GPC6: variants seen among roughly 807,000 people sequenced by gnomAD.
The protein encoded by GPC6 is glypican-6.
GPC6 carries 14 observed loss-of-function variants against 55.2 expected under a neutral mutation model. That is an observed-to-expected ratio of 0.25 (90% CI 0.17 to 0.40). The LOEUF (loss-of-function observed/expected upper bound fraction) is 0.40. Ranked by LOEUF, GPC6 falls within the 10% of genes least tolerant of loss-of-function variation. GPC6 has a pLI of 1.00. For missense variants in GPC6, 641 were observed against 708.5 expected, an observed-to-expected ratio of 0.90 and a Z score of 1.08; for synonymous variants, 278 against 259.6, an observed-to-expected ratio of 1.07 and a Z score of -0.68.
Position 93,830,488 on chromosome 13 carries a change from C to T in GPC6, c.654C>T (p.Ala218=), listed in dbSNP as rs369239471. Residue 218 remains alanine (A), a synonymous_variant, in exon 3 of 9, where the codon GCC becomes GCT. Transcript: ENST00000377047. The part of the protein sequence containing the change: ...KIQVTRAFIA[A]RTFVQGLTVG... ...AGGTTACCCGCGCCTTCATTGCTGC[C>T]AGGACCTTTGTCCAGGGGCTGACTG... The T allele has an allele frequency of 1.2e-6, 2 of 1,613,828 alleles. No homozygotes were observed. Among genetic ancestry groups the T allele is most frequent in the South Asian group, 1.1e-5 (1 of 91,052 alleles).
intron 1 of GPC6, among the ~76,000 whole-genome samples, chr13:93,413,035 G>GTGAATTTACT (rs1876569967): frequency 6.6e-6 from 1 of 152,154 alleles, no homozygotes; most frequent in Non-Finnish European, 1.5e-5. Context: ...ATTTACTTGG[G>GTGAATTTACT]TGAGGACTAA....
At chr13:93,338,354 C>A (rs1454213636) in intron 1 of GPC6, among the ~76,000 whole-genome samples, 1 of 152,144 alleles carries the variant, frequency 6.6e-6, no homozygotes, top group Non-Finnish European at 1.5e-5. Flanking sequence ...GCAGCCAGAC[C>A]AGAAAATCAG....
At chr13:93,897,446 G>A (rs957278365) in intron 3 of GPC6, among the ~76,000 whole-genome samples, 1 of 151,980 alleles carries the variant, frequency 6.6e-6, no homozygotes, top group African/African-American at 2.4e-5. Context: ...ACCACAAAAT[G>A]TGTGTACCAA....
chr13:93,500,119 T>C (rs1168157720), intron 1 of GPC6, among the ~76,000 whole-genome samples: 1 of 152,172 alleles, frequency 6.6e-6, no homozygotes, highest in Non-Finnish European at 1.5e-5. Flanking sequence ...TTTGGCATAC[T>C]TAAACCCACC....
chr13:93,684,110 A>G (rs1566485717), intron 2 of GPC6, among the ~76,000 whole-genome samples: 1 of 152,152 alleles, frequency 6.6e-6, no homozygotes. Flanking sequence ...AATTGGCAGA[A>G]CACAAGCATG....
intron 2 of GPC6, among the ~76,000 whole-genome samples, chr13:93,632,636 T>TATATAA (rs377056284): frequency 0.17 from 21,143 of 126,768 alleles, 2,385 homozygotes; most frequent in Non-Finnish European, 0.22. Context: ...TATATATATA[T>TATATAA]AATAAAATAA....
At chr13:94,157,385 A>G (rs1344889755) in intron 4 of GPC6, among the ~76,000 whole-genome samples, 1 of 152,138 alleles carries the variant, frequency 6.6e-6, no homozygotes, top group Admixed American at 6.5e-5. Context: ...AACACCTCCA[A>G]CTGGAGGCTG....
At chr13:93,551,552 G>A (rs1875160798) in intron 2 of GPC6, among the ~76,000 whole-genome samples, 1 of 152,144 alleles carries the variant, frequency 6.6e-6, no homozygotes, top group Non-Finnish European at 1.5e-5. Flanking sequence ...ATCGACAGGT[G>A]GAGGCAGAAT....
intron 1 of GPC6, among the ~76,000 whole-genome samples, chr13:93,449,286 G>T (rs973303): frequency 0.31 from 46,777 of 152,016 alleles, 7,354 homozygotes; most frequent in East Asian, 0.36. Context: ...GATGGGTTAG[G>T]AATTACAGGC....
chr13:93,721,536 C>A (rs1883455555), intron 2 of GPC6, among the ~76,000 whole-genome samples: 1 of 151,764 alleles, frequency 6.6e-6, no homozygotes, highest in South Asian at 2.1e-4. Flanking sequence ...GTCTCCAGTA[C>A]TAATTAAAAT....
intron 6 of GPC6, among the ~76,000 whole-genome samples, chr13:94,319,161 G>A (rs1281809772): frequency 6.6e-6 from 1 of 151,468 alleles, no homozygotes; most frequent in Non-Finnish European, 1.5e-5. Flanking sequence ...CTTCTTTCTT[G>A]TGGGTCAATT....
intron 1 of GPC6, among the ~76,000 whole-genome samples, chr13:93,297,869 G>C (rs893827007): frequency 6.6e-6 from 1 of 152,176 alleles, no homozygotes; most frequent in Non-Finnish European, 1.5e-5. Flanking sequence ...CATAAGTAGG[G>C]TGTGGGGAGA....
intron 1 of GPC6, among the ~76,000 whole-genome samples, chr13:93,472,781 G>T (rs1879169516): frequency 6.6e-6 from 1 of 152,180 alleles, no homozygotes; most frequent in South Asian, 2.1e-4. Context: ...CCATTCAGTA[G>T]GTCCGAGTTC....
intron 1 of GPC6, among the ~76,000 whole-genome samples, chr13:93,518,378 T>C (rs1881286060): frequency 6.6e-6 from 1 of 151,898 alleles, no homozygotes; most frequent in Non-Finnish European, 1.5e-5. Context: ...TCAACTCTTC[T>C]TGCTTCTCCA....
intron 2 of GPC6, among the ~76,000 whole-genome samples, chr13:93,737,513 A>G (rs1307293169): frequency 6.6e-6 from 1 of 152,164 alleles, no homozygotes; most frequent in Non-Finnish European, 1.5e-5. Flanking sequence ...ATCAAAGTTC[A>G]ACATTCATCG....
intron 1 of GPC6, among the ~76,000 whole-genome samples, chr13:93,233,354 A>AG (rs1555336289): frequency 6.6e-6 from 1 of 151,374 alleles, no homozygotes; most frequent in African/African-American, 2.4e-5. Context: ...CAAAAAAAAA[A>AG]AAATCAAAAT....
At chr13:94,339,751 C>CTTTTTTTTTTTTTTTTTT (rs56074677) in intron 6 of GPC6, among the ~76,000 whole-genome samples, 2 of 63,794 alleles carry the variant, frequency 3.1e-5, no homozygotes, top group African/African-American at 6.8e-5. Flanking sequence ...GCATACTTTC[C>CTTTTTTTTTTTTTTTTTT]TTTTTTTTTT....
rs139092182 is a variant in GPC6 at position 94,188,612 on chromosome 13, G to A, written c.878-97737G>A. ...TTATCATTCAGATTTGGAAGGAGACGGGAGCCATGGTGGATGCCGTGAGGT... is the reference window on the plus strand; with the variant it reads ...TTATCATTCAGATTTGGAAGGAGACAGGAGCCATGGTGGATGCCGTGAGGT... On this transcript the variant is annotated intron_variant, in intron 4 of 8. Transcript: ENST00000377047. Among the ~76,000 whole-genome samples the A allele has an allele frequency of 9.1e-3, 1,391 of 152,168 alleles. 13 individuals are homozygous for A. The highest frequency in any genetic ancestry group is 0.014 in the Non-Finnish European group (960 of 67,998).
intron 4 of GPC6, chr13:94,187,744 T>A (rs1201686626): frequency 6.6e-6 from 1 of 152,082 alleles, no homozygotes; most frequent in Non-Finnish European, 1.5e-5. Context: ...AGACCAAAAA[T>A]AAGATAAGAA....
Sources: gnomAD v4.1 joint callset for allele counts (sites outside exome capture counted in the v4.1 genomes callset) on GRCh38, gnomAD v4.1.1 for gene constraint, MANE v1.5 for transcripts, NCBI Gene and HGNC (gene_info 2026-07-23, HGNC 2026-07-21) for gene names.